The following DENND6A variants were observed in gnomAD, a reference collection of about 807,000 sequenced individuals.
DENND6A encodes the protein protein DENND6A.
Under a neutral mutation model 95.5 loss-of-function variants are expected in DENND6A, and 43 were observed. The observed-to-expected ratio is 0.45, with a 90% CI of 0.35 to 0.58. The LOEUF (loss-of-function observed/expected upper bound fraction) is 0.58, where lower values mean the gene tolerates loss of function less well. DENND6A is among the 20% of genes least tolerant of loss of function. DENND6A has a pLI of 0.00. For synonymous variants in DENND6A, 257 were observed against 260.4 expected, an observed-to-expected ratio of 0.99 and a Z score of 0.13; for missense variants, 574 against 736.0, an observed-to-expected ratio of 0.78 and a Z score of 2.55.
chr3:57,685,377 G>A (rs1355725390), intron 1 of DENND6A, among the ~76,000 whole-genome samples: 1 of 152,122 alleles, frequency 6.6e-6, no homozygotes, highest in African/African-American at 2.4e-5. Context: ...TTCAGGTTGA[G>A]TATTCCTTAT....
intron 1 of DENND6A, among the ~76,000 whole-genome samples, chr3:57,681,604 A>T (rs183991978): frequency 6.7e-6 from 1 of 149,630 alleles, no homozygotes; most frequent in East Asian, 2.0e-4. Flanking sequence ...AGCCTAGGCA[A>T]CAGAGCAAGA....
intron 9 of DENND6A, among the ~76,000 whole-genome samples, chr3:57,652,278 T>A (rs1034723482): frequency 1.3e-5 from 2 of 152,074 alleles, no homozygotes; most frequent in African/African-American, 4.8e-5. Context: ...TTAGCTGCCA[T>A]GTTGTGAGAA....
intron 1 of DENND6A, among the ~76,000 whole-genome samples, chr3:57,684,806 G>T (rs114239314): frequency 6.6e-6 from 1 of 152,074 alleles, no homozygotes; most frequent in Non-Finnish European, 1.5e-5. Flanking sequence ...AATTAGTGAC[G>T]GAAAGGAATA....
chr3:57,668,211 G>A (rs1373188341), intron 3 of DENND6A, among the ~76,000 whole-genome samples: 7 of 151,988 alleles, frequency 4.6e-5, no homozygotes, highest in Admixed American at 3.9e-4. Flanking sequence ...CCTTCAACAC[G>A]GTATGAGAAG....
chr3:57,675,137 A>G lies in DENND6A; in HGVS notation c.238-2699T>C, dbSNP rs868705430. ...TACATGTACCCAGAAACCTAAAATA[A>G]AAGTTAAAAGACAAAAAGCAAAACA... On this transcript the variant is annotated intron_variant, in intron 1 of 19. Transcript: ENST00000311128. 3.9e-5 allele frequency among the ~76,000 whole-genome samples: 6 copies of G among 152,230 alleles called. No individual in the cohort carries two copies. In the South Asian group the frequency reaches 1.2e-3, roughly 32 times the overall value.
intron 1 of DENND6A, among the ~76,000 whole-genome samples, chr3:57,689,155 G>A (rs1178888212): frequency 1.3e-5 from 2 of 151,818 alleles, no homozygotes; most frequent in Admixed American, 6.6e-5. Flanking sequence ...GGGTTTCACC[G>A]TGTTGGCCAG....
intron 12 of DENND6A, among the ~76,000 whole-genome samples, chr3:57,639,657 A>G (rs2070881000): frequency 6.6e-6 from 1 of 152,196 alleles, no homozygotes; most frequent in African/African-American, 2.4e-5. Flanking sequence ...TGCCATTTAC[A>G]GAGTACCATG....
At chr3:57,642,722 C>T (rs1006369721) in intron 11 of DENND6A, among the ~76,000 whole-genome samples, 2 of 151,848 alleles carry the variant, frequency 1.3e-5, no homozygotes, top group African/African-American at 2.4e-5. Flanking sequence ...AAAGATCAAT[C>T]GGCCAGGCGC....
chr3:57,670,981 A>T (rs1296983469), intron 3 of DENND6A, among the ~76,000 whole-genome samples: 2 of 152,216 alleles, frequency 1.3e-5, no homozygotes, highest in Non-Finnish European at 2.9e-5. Context: ...CTGCATCATT[A>T]TTTCATAAAT....
intron 12 of DENND6A, among the ~76,000 whole-genome samples, chr3:57,635,128 C>T (rs899487581): frequency 6.6e-5 from 10 of 152,124 alleles, no homozygotes; most frequent in African/African-American, 2.4e-4. Context: ...GAATAAAATA[C>T]CCTTTAAGTA....
chr3:57,653,317 T>TA (rs1477861102), intron 9 of DENND6A, among the ~76,000 whole-genome samples: 1 of 152,166 alleles, frequency 6.6e-6, no homozygotes, highest in Non-Finnish European at 1.5e-5. Flanking sequence ...ACATAGAAGA[T>TA]AGGAAGTATA....
At chr3:57,677,297 T>G (rs2071726827) in intron 1 of DENND6A, among the ~76,000 whole-genome samples, 1 of 152,110 alleles carries the variant, frequency 6.6e-6, no homozygotes, top group Admixed American at 6.6e-5. Context: ...AGAAACCAAG[T>G]CCTTACATTA....
In DENND6A at chr3:57,660,853, T is replaced by A; in HGVS notation, c.620-14A>T. The A allele has an allele frequency of 6.4e-7, 1 of 1,564,604 alleles. No homozygotes were observed. On this transcript the variant is annotated splice_polypyrimidine_tract_variant and intron_variant, in intron 6 of 19. Coordinates refer to ENST00000311128, the MANE Select transcript of DENND6A (RefSeq NM_152678.3). ...CATCATTACAAGCTGAAAAATATAA[T>A]AAAATATTTTCTTAGAATAAGTGAA...
intron 12 of DENND6A, among the ~76,000 whole-genome samples, chr3:57,636,096 TA>T (rs2070786132): frequency 6.6e-6 from 1 of 152,220 alleles, no homozygotes; most frequent in South Asian, 2.1e-4. Context: ...ATGTTATTGC[TA>T]AGGCTCTGAT....
intron 1 of DENND6A, among the ~76,000 whole-genome samples, chr3:57,681,951 AAT>A (rs1447805512): frequency 6.6e-6 from 1 of 152,156 alleles, no homozygotes; most frequent in African/African-American, 2.4e-5. Flanking sequence ...AAAACCACTG[AAT>A]TATACACTTT....
Position 57,645,660 on chromosome 3 carries a change from C to A in DENND6A, c.1037+1G>T. 6.2e-7 allele frequency: 1 copy of A among 1,603,146 alleles called. No individual in the cohort carries two copies. Among genetic ancestry groups the A allele is most frequent in the Non-Finnish European group, 8.5e-7 (1 of 1,174,016 alleles). ...GGTCAATAGAAGTTATTTTTACTTA[C>A]GGAGCTTGGGTACGGGTAGTATATT... On this transcript the variant is annotated splice_donor_variant, in intron 11 of 19. Coordinates refer to ENST00000311128, the MANE Select transcript of DENND6A (RefSeq NM_152678.3). LOFTEE classifies it high-confidence loss of function.
At position 57,628,890 on chromosome 3, in the gene DENND6A, A is replaced by G; in HGVS notation, c.1621-5T>C. On this transcript the variant is annotated splice_polypyrimidine_tract_variant and splice_region_variant and intron_variant, in intron 18 of 19. Coordinates refer to ENST00000311128, the MANE Select transcript of DENND6A (RefSeq NM_152678.3). ...CTGGATCCAGAGAAGTAAGTCCTAGAATAAATAAAGTCCCAAATCAGTAAG... is the reference window on the plus strand; with the variant it reads ...CTGGATCCAGAGAAGTAAGTCCTAGGATAAATAAAGTCCCAAATCAGTAAG... 2 of 1,610,300 alleles carry G rather than the reference A, an allele frequency of 1.2e-6. No individual in the cohort carries two copies. The highest frequency in any genetic ancestry group is 1.7e-6 in the Non-Finnish European group (2 of 1,179,062).
intron 1 of DENND6A, among the ~76,000 whole-genome samples, chr3:57,682,281 CAAAAAAAAAA>C (rs10618015): frequency 4.7e-4 from 25 of 53,548 alleles, no homozygotes; most frequent in Non-Finnish European, 3.9e-4. Flanking sequence ...GACTCCGTCT[CAAAAAAAAAA>C]AAAAAAAAAA....
chr3:57,631,034 C>A (rs902866261), intron 15 of DENND6A, 56 bp from the exon 16 acceptor site: 73 of 1,549,668 alleles, frequency 4.7e-5, no homozygotes, highest in South Asian at 3.5e-4. Flanking sequence ...TTTAAACAGA[C>A]CTACTTAAAA....
Sources: allele counts gnomAD v4.1 joint callset (sites outside exome capture counted in the v4.1 genomes callset), GRCh38; gene constraint gnomAD v4.1.1; transcripts MANE v1.5; gene names NCBI Gene and HGNC (gene_info 2026-07-23, HGNC 2026-07-21).